The following BEST4 variants were observed in gnomAD, a reference collection of about 807,000 sequenced individuals.
BEST4 encodes bestrophin 4.
In BEST4, 36 loss-of-function variants were observed where a neutral mutation model predicts 47.1. The observed-to-expected ratio is 0.76, with a 90% CI of 0.59 to 1.01. The LOEUF is 1.01. Ranked by LOEUF, BEST4 falls within the 50% of genes least tolerant of loss-of-function variation. The pLI is 0.00. For synonymous variants in BEST4, 250 were observed against 277.8 expected, an observed-to-expected ratio of 0.90 and a Z score of 1.00; for missense variants, 550 against 648.6, an observed-to-expected ratio of 0.85 and a Z score of 1.65.
At position 44,783,915 on chromosome 1, in the gene BEST4, C is replaced by T. The variant is rs1651115005; in HGVS notation, c.*295G>A. 2 of 320,060 alleles carry T rather than the reference C, an allele frequency of 6.2e-6. No homozygotes were observed. Among genetic ancestry groups the T allele is most frequent in the African/African-American group, 4.3e-5 (2 of 46,770 alleles). 19.8% of individuals were successfully genotyped at this position (320,060 alleles called of 1,614,324 possible). A position where few individuals can be genotyped will look rare whatever the true frequency, so the allele number is the denominator to read the frequency against. ...AGTTTGAGAACCAATGGCCTAGCTC[C>T]CTGTTGCTGTGAAGCTAACCGTGCA... On this transcript the variant is annotated 3_prime_UTR_variant, in exon 9 of 9. Transcript: ENST00000372207.
At chr1:44,791,985 G>A (rs1288361447), upstream of BEST4, among the ~76,000 whole-genome samples, 2 of 152,194 alleles carry the variant, frequency 1.3e-5, no homozygotes, top group African/African-American at 2.4e-5. Context: ...GCTCACGCCT[G>A]TAATCCCAGC....
intron 5 of BEST4, 120 bp downstream of exon 5, chr1:44,785,479 G>T: frequency 8.2e-7 from 1 of 1,218,940 alleles, no homozygotes; most frequent in Non-Finnish European, 1.2e-6. Flanking sequence ...CTTTTAGGAT[G>T]AACCCGGTGC....
At chr1:44,783,302 GC>G (rs1344690878), downstream of BEST4, among the ~76,000 whole-genome samples, 1 of 152,162 alleles carries the variant, frequency 6.6e-6, no homozygotes, top group Non-Finnish European at 1.5e-5. Flanking sequence ...AGCGCTGCAG[GC>G]CCACCATGGA....
intron 2 of BEST4, among the ~76,000 whole-genome samples, chr1:44,787,143 CTTTTTTTTTTTT>C (rs34398169): frequency 9.5e-6 from 1 of 105,040 alleles, no homozygotes; most frequent in African/African-American, 3.9e-5. Flanking sequence ...TTGAGTAATT[CTTTTTTTTTTTT>C]TTTTTTTTTT....
At chr1:44,789,113 G>A (rs1651337482), upstream of BEST4, among the ~76,000 whole-genome samples, 2 of 151,670 alleles carry the variant, frequency 1.3e-5, no homozygotes, top group Admixed American at 6.6e-5. Context: ...AAAATTAGCC[G>A]GGTGTGGTGG....
chr1:44,784,125 C>T lies in BEST4; in HGVS notation c.*85G>A. 1 of 1,276,840 alleles carries T rather than the reference C, an allele frequency of 7.8e-7. No individual in the cohort carries two copies. Among genetic ancestry groups the T allele is most frequent in the Non-Finnish European group, 1.0e-6 (1 of 989,760 alleles). 79.1% of individuals were successfully genotyped at this position (1,276,840 alleles called of 1,614,324 possible). A position where few individuals can be genotyped will look rare whatever the true frequency, so the allele number is the denominator to read the frequency against. ...CCTTCAAGGCACACAGGAAAAGCTG[C>T]TCTAATAGAGCTGGCTGGCAGGACC... is the stretch of plus-strand genomic sequence containing the variant. On this transcript the variant is annotated 3_prime_UTR_variant, in exon 9 of 9. Coordinates refer to ENST00000372207, the MANE Select transcript of BEST4 (RefSeq NM_153274.3). The surrounding 1 kb of genome is among the most constrained non-coding windows in gnomAD (Gnocchi z 6.2).
upstream of BEST4, among the ~76,000 whole-genome samples, chr1:44,789,242 C>CAA (rs778437528): frequency 8.2e-3 from 506 of 61,386 alleles, 4 homozygotes; most frequent in Middle Eastern, 0.048. Context: ...CCTGGGTAAT[C>CAA]AAAAAAAAAA....
At chr1:44,783,450 A>C (rs1651100778), downstream of BEST4, 1 of 152,112 alleles carries the variant, frequency 6.6e-6, no homozygotes, top group Admixed American at 6.5e-5. Flanking sequence ...ATCTGACTTT[A>C]ATCAGCCTCC....
rs773885448 is a variant in BEST4 at position 44,787,725 on chromosome 1, A to T, written c.-20T>A. 2 of 1,613,546 alleles carry T rather than the reference A, an allele frequency of 1.2e-6. No individual in the cohort carries two copies. Among genetic ancestry groups the T allele is most frequent in the South Asian group, 2.2e-5 (2 of 91,078 alleles). ...CGTCATGGTGCTGGGAGCCTGGGGC[A>T]GGAGGTCACAAGAGTTGCCCCCAGG... On this transcript the variant is annotated 5_prime_UTR_variant, in exon 1 of 9. Transcript: ENST00000372207.
Position 44,784,198 on chromosome 1 carries a change from G to A in BEST4, c.*12C>T, listed in dbSNP as rs770783054. On this transcript the variant is annotated 3_prime_UTR_variant, in exon 9 of 9. Coordinates refer to ENST00000372207, the MANE Select transcript of BEST4 (RefSeq NM_153274.3). The surrounding 1 kb of genome is among the most constrained non-coding windows in gnomAD (Gnocchi z 6.2). ...AGTGGGTGGGGGAAACCGGGCGGGG[G>A]CAGGCGAGACCTCAGGGCTCCAGGG... 3 of 1,403,076 alleles carry A rather than the reference G, an allele frequency of 2.1e-6. No individual in the cohort carries two copies. The highest frequency in any genetic ancestry group is 3.5e-5 in the Admixed American group (1 of 28,518). 86.9% of individuals were successfully genotyped at this position (1,403,076 alleles called of 1,614,324 possible). A position where few individuals can be genotyped will look rare whatever the true frequency, so the allele number is the denominator to read the frequency against.
upstream of BEST4, among the ~76,000 whole-genome samples, chr1:44,789,036 C>A (rs923970732): frequency 6.6e-6 from 1 of 152,014 alleles, no homozygotes; most frequent in Admixed American, 6.6e-5. Context: ...AGGTGGATCA[C>A]TTGAGGTCAG....
In BEST4 at chr1:44,786,333, G is replaced by A; in HGVS notation, c.482-105C>T. 6.8e-7 allele frequency: 1 copy of A among 1,473,924 alleles called. No homozygotes were observed. The allele number at this position is 1,473,924 out of a possible 1,614,324, so 91.3% of individuals were successfully genotyped here. ...CCCTCGCGTCCACCGGCTGTCCCAG[G>A]ACTCGCGGTTCCGCGTTCCTGTCGC... On this transcript the variant is annotated intron_variant, in intron 3 of 8. Coordinates refer to ENST00000372207, the MANE Select transcript of BEST4 (RefSeq NM_153274.3). This position sits in a 1 kb window ranked among gnomAD's most constrained non-coding sequence, Gnocchi z 4.9.
upstream of BEST4, among the ~76,000 whole-genome samples, chr1:44,792,705 C>T (rs1260980575): frequency 6.6e-6 from 1 of 152,088 alleles, no homozygotes; most frequent in Non-Finnish European, 1.5e-5. Context: ...GTTCTTGACC[C>T]TCCTCCGTTG....
At chr1:44,791,020 C>T (rs1165555878), upstream of BEST4, among the ~76,000 whole-genome samples, 1 of 152,066 alleles carries the variant, frequency 6.6e-6, no homozygotes, top group Non-Finnish European at 1.5e-5. Flanking sequence ...TCTTGCCTCC[C>T]TCCACCCCCT....
upstream of BEST4, among the ~76,000 whole-genome samples, chr1:44,789,354 T>G (rs1288547612): frequency 6.8e-6 from 1 of 147,722 alleles, no homozygotes. Context: ...GAGCTGAGAT[T>G]GTGCCACTGC....
At chr1:44,785,814 T>G (rs41269077) in intron 4 of BEST4, 138 bp from the exon 5 acceptor site, 1 of 842,198 alleles carries the variant, frequency 1.2e-6, no homozygotes, top group Non-Finnish European at 1.8e-6. Context: ...GGTGCTTGAA[T>G]CCCAGCTCTG....
chr1:44,792,480 C>A (rs1004650089), upstream of BEST4, among the ~76,000 whole-genome samples: 41 of 150,882 alleles, frequency 2.7e-4, no homozygotes, highest in Non-Finnish European at 4.7e-4. Flanking sequence ...TAATGCCTAT[C>A]ACATGGAGTC....
rs1282131552 is a variant in BEST4 at position 44,784,915 on chromosome 1, C to T, written c.983G>A (p.Arg328His). 5.0e-6 allele frequency: 8 copies of T among 1,614,014 alleles called. No individual in the cohort carries two copies. Among genetic ancestry groups the T allele is most frequent in the East Asian group, 2.2e-5 (1 of 44,892 alleles). Residue 328 changes from arginine to histidine, a missense_variant, in exon 7 of 9, where the codon CGC (arginine) becomes CAC (histidine). This residue lies in a region of BEST4 where 255 missense variants were observed against 286.6 expected (regional missense o/e 0.89). Coordinates refer to ENST00000372207, the MANE Select transcript of BEST4 (RefSeq NM_153274.3). The surrounding 1 kb of genome is among the most constrained non-coding windows in gnomAD (Gnocchi z 6.2). Reference protein sequence around the residue: ...DDFETNQLIDRNLQVSLLSVD... With the variant: ...DDFETNQLIDHNLQVSLLSVD... ...CTGATGCTTGCTCACCTGCAAGTTG[C>T]GGTCTATGAGCTGATTTGTCTCAAA...
chr1:44,782,629 CAAATAAATAAATAAAT>C (rs150975645), downstream of BEST4, among the ~76,000 whole-genome samples: 63 of 146,726 alleles, frequency 4.3e-4, no homozygotes, highest in Admixed American at 1.2e-3. Flanking sequence ...GATTCCGTCT[CAAATAAATAAATAAAT>C]AAATAAATAA....
Sources: gnomAD v4.1 joint callset for allele counts (sites outside exome capture counted in the v4.1 genomes callset) on GRCh38, gnomAD v4.1.1 for gene constraint, gnomAD v4.1.1 regional missense constraint, Gnocchi (gnomAD v3.1) non-coding constraint, MANE v1.5 for transcripts, NCBI Gene and HGNC (gene_info 2026-07-23, HGNC 2026-07-21) for gene names.